Variants in PLA2G4A observed in about 807,000 individuals in gnomAD.
PLA2G4A encodes cytosolic phospholipase A2.
Under a neutral mutation model 81.9 loss-of-function variants are expected in PLA2G4A, and 40 were observed. The observed-to-expected ratio is 0.49, with a 90% CI of 0.38 to 0.64. The LOEUF (loss-of-function observed/expected upper bound fraction) is 0.64. Among genes scored for constraint, PLA2G4A ranks in the 30% least tolerant of loss-of-function variants. The pLI is 0.00. For missense variants in PLA2G4A, 715 were observed against 905.1 expected (o/e 0.79, Z 2.69); for synonymous variants, 302 against 296.9 (o/e 1.02, Z -0.18).
In PLA2G4A at chr1:186,977,756, C is replaced by G. The variant is rs1189484609; in HGVS notation, c.1928C>G (p.Ala643Gly). The change falls in exon 16 of 18, where the codon GCC (alanine) becomes GGC (glycine). Residue 643 changes from alanine to glycine, a missense_variant. Coordinates refer to ENST00000367466, the MANE Select transcript of PLA2G4A (RefSeq NM_024420.3). Reference protein sequence around the residue: ...DCPTIIHFVLANINFRKYRAP... With the variant: ...DCPTIIHFVLGNINFRKYRAP... ...CCAACCATCATCCACTTTGTTCTGG[C>G]CAACATCAACTTCAGAAAGTACAGG... 1 of 1,613,066 alleles carries G rather than the reference C, an allele frequency of 6.2e-7. No homozygotes were observed. Among genetic ancestry groups the G allele is most frequent in the African/African-American group, 1.3e-5 (1 of 74,866 alleles).
At chr1:186,981,571 A>G (rs1657718981) in intron 17 of PLA2G4A, among the ~76,000 whole-genome samples, 1 of 152,202 alleles carries the variant, frequency 6.6e-6, no homozygotes, top group African/African-American at 2.4e-5. Flanking sequence ...TAAAATATAC[A>G]AAATATAAAA....
At chr1:186,896,538 A>G (rs1460473018) in intron 5 of PLA2G4A, among the ~76,000 whole-genome samples, 1 of 152,214 alleles carries the variant, frequency 6.6e-6, no homozygotes, top group East Asian at 1.9e-4. Flanking sequence ...CTTTGGAAGC[A>G]TGGATTGGAC....
chr1:186,871,366 T>A (rs1375767175), intron 3 of PLA2G4A, among the ~76,000 whole-genome samples: 1 of 151,728 alleles, frequency 6.6e-6, no homozygotes, highest in Non-Finnish European at 1.5e-5. Flanking sequence ...TTTGATAACA[T>A]CTTAGATTTA....
chr1:186,913,714 T>A (rs2102161358), intron 7 of PLA2G4A, among the ~76,000 whole-genome samples: 1 of 152,350 alleles, frequency 6.6e-6, no homozygotes, highest in East Asian at 1.9e-4. Flanking sequence ...AGGAATTAAT[T>A]TCATTAAGTT....
At chr1:186,924,495 C>T (rs1216251108) in intron 7 of PLA2G4A, among the ~76,000 whole-genome samples, 1 of 152,162 alleles carries the variant, frequency 6.6e-6, no homozygotes, top group African/African-American at 2.4e-5. Flanking sequence ...TCTTTACCAG[C>T]TCTTCTTCAT....
chr1:186,832,490 G>A (rs924460359), intron 1 of PLA2G4A, among the ~76,000 whole-genome samples: 14 of 152,054 alleles, frequency 9.2e-5, no homozygotes, highest in African/African-American at 3.4e-4. Flanking sequence ...TGAGGAATAT[G>A]GTATTCATTT....
At chr1:186,921,126 T>C (rs1257153546) in intron 7 of PLA2G4A, among the ~76,000 whole-genome samples, 2 of 152,192 alleles carry the variant, frequency 1.3e-5, no homozygotes, top group African/African-American at 4.8e-5. Context: ...CTTCTATTAA[T>C]GCCTCACGGT....
chr1:186,923,933 G>A (rs1275359640), intron 7 of PLA2G4A, among the ~76,000 whole-genome samples: 2 of 152,276 alleles, frequency 1.3e-5, no homozygotes, highest in Admixed American at 6.5e-5. Flanking sequence ...AAAAAGTTAG[G>A]AGATGACAAA....
At position 186,891,263 on chromosome 1, in the gene PLA2G4A, G is replaced by A. The variant is rs543762243; in HGVS notation, c.116-1748G>A. ...TAAAGTAATCACATCATGGAGAATA[G>A]GGTATCCATCCTCTGAAGCATTTAT... On this transcript the variant is annotated intron_variant, in intron 3 of 17. Coordinates refer to ENST00000367466, the MANE Select transcript of PLA2G4A (RefSeq NM_024420.3). Among the ~76,000 whole-genome samples the A allele has an allele frequency of 9.2e-5, 14 of 152,166 alleles. No homozygotes were observed. The East Asian group carries it at 2.5e-3, about 27-fold the overall frequency.
At chr1:186,841,467 A>G (rs545856079) in intron 1 of PLA2G4A, among the ~76,000 whole-genome samples, 11 of 152,312 alleles carry the variant, frequency 7.2e-5, no homozygotes, top group African/African-American at 2.6e-4. Context: ...CCAGTAGGGT[A>G]TAAAGAAAGA....
At chr1:186,854,908 C>T (rs1038094486) in intron 2 of PLA2G4A, among the ~76,000 whole-genome samples, 6 of 151,892 alleles carry the variant, frequency 4.0e-5, no homozygotes, top group African/African-American at 1.5e-4. Context: ...TGGAAGTATA[C>T]ATGCTCTCTT....
chr1:186,837,553 C>T (rs2102000736), intron 1 of PLA2G4A, among the ~76,000 whole-genome samples: 1 of 149,602 alleles, frequency 6.7e-6, no homozygotes, highest in Admixed American at 6.6e-5. Flanking sequence ...CACGGTGAAA[C>T]CCCATCTGTA....
Position 186,842,374 on chromosome 1 carries a change from C to T in PLA2G4A, c.-69-11912C>T, listed in dbSNP as rs138913553. On this transcript the variant is annotated intron_variant, in intron 1 of 17. Transcript: ENST00000367466. ...CATGTCTTATATCACATCTGGACTTCTCTGGCCGATTTTCTCCCTCCCTCC... is the reference window on the plus strand; with the variant it reads ...CATGTCTTATATCACATCTGGACTTTTCTGGCCGATTTTCTCCCTCCCTCC... Among the ~76,000 whole-genome samples the T allele has an allele frequency of 2.8e-4, 43 of 152,206 alleles. No homozygotes were observed. In the Middle Eastern group the frequency reaches 0.01, roughly 36 times the overall value.
At chr1:186,970,438 T>G (rs1300060746) in intron 15 of PLA2G4A, among the ~76,000 whole-genome samples, 6 of 152,138 alleles carry the variant, frequency 3.9e-5, no homozygotes, top group Admixed American at 3.9e-4. Flanking sequence ...ATTTTTGCTT[T>G]GGTTGCCTGT....
At chr1:186,842,310 T>C (rs1319195490) in intron 1 of PLA2G4A, among the ~76,000 whole-genome samples, 1 of 152,088 alleles carries the variant, frequency 6.6e-6, no homozygotes, top group East Asian at 1.9e-4. Context: ...CCCAAAGGGC[T>C]AGGATTACAG....
chr1:186,868,071 C>CTTTTTTTT (rs59978011), intron 2 of PLA2G4A, among the ~76,000 whole-genome samples: 2 of 112,926 alleles, frequency 1.8e-5, no homozygotes, highest in Non-Finnish European at 3.4e-5. Flanking sequence ...GTGTATAATT[C>CTTTTTTTT]TTTTTTTTTT....
At chr1:186,922,219 C>T (rs1655377003) in intron 7 of PLA2G4A, among the ~76,000 whole-genome samples, 1 of 152,142 alleles carries the variant, frequency 6.6e-6, no homozygotes, top group Non-Finnish European at 1.5e-5. Flanking sequence ...TTACAGTTTA[C>T]ACCAAACCAG....
intron 7 of PLA2G4A, among the ~76,000 whole-genome samples, chr1:186,931,589 G>A (rs1412854218): frequency 6.6e-6 from 1 of 150,752 alleles, no homozygotes; most frequent in East Asian, 1.9e-4. Context: ...CCCTTTCAAG[G>A]CTTAATTCAA....
At chr1:186,875,049 G>A (rs1653415721) in intron 3 of PLA2G4A, among the ~76,000 whole-genome samples, 1 of 152,052 alleles carries the variant, frequency 6.6e-6, no homozygotes, top group Non-Finnish European at 1.5e-5. Flanking sequence ...TCAAAATGCA[G>A]ATTTTGATTC....
Sources: allele counts gnomAD v4.1 joint callset (sites outside exome capture counted in the v4.1 genomes callset), GRCh38; gene constraint gnomAD v4.1.1; transcripts MANE v1.5; gene names NCBI Gene and HGNC (gene_info 2026-07-23, HGNC 2026-07-21).